Variants in TXN observed in about 807,000 individuals in gnomAD.
The protein encoded by TXN is thioredoxin.
In TXN, 10 loss-of-function variants were observed where a neutral mutation model predicts 16.5. The observed-to-expected ratio is 0.61, with a 90% confidence interval of 0.37 to 1.03. The LOEUF is 1.03. TXN is among the 50% of genes least tolerant of loss of function. The probability of loss-of-function intolerance (pLI) is 0.01; values close to 1 mark genes in which losing one functional copy is unlikely to be tolerated. For synonymous variants in TXN, 35 were observed against 39.4 expected (o/e 0.89, Z 0.42); for missense variants, 71 against 122.5 (o/e 0.58, Z 1.98).
intron 1 of TXN, among the ~76,000 whole-genome samples, chr9:110,253,039 C>G (rs1201960302): frequency 6.6e-6 from 1 of 151,650 alleles, no homozygotes; most frequent in Non-Finnish European, 1.5e-5. Context: ...GGAAACAATG[C>G]TGGTCAAATA....
intron 1 of TXN, among the ~76,000 whole-genome samples, chr9:110,254,018 T>C (rs2118582382): frequency 6.6e-6 from 1 of 152,300 alleles, no homozygotes; most frequent in East Asian, 1.9e-4. Flanking sequence ...GCCTTGTAGA[T>C]GGGAGTTCAA....
intron 3 of TXN, among the ~76,000 whole-genome samples, chr9:110,246,610 G>A (rs1039813178): frequency 1.3e-5 from 2 of 152,198 alleles, no homozygotes; most frequent in Non-Finnish European, 2.9e-5. Flanking sequence ...ACCAAATCAC[G>A]GAAACCAACG....
chr9:110,253,143 A>T (rs1249371182), intron 1 of TXN, among the ~76,000 whole-genome samples: 38 of 150,232 alleles, frequency 2.5e-4, no homozygotes, highest in Non-Finnish European at 3.0e-5. Context: ...TAAGATAAAA[A>T]ACCAAATAAA....
intron 3 of TXN, among the ~76,000 whole-genome samples, chr9:110,246,760 G>C (rs962518357): frequency 2.0e-5 from 3 of 152,166 alleles, no homozygotes; most frequent in Admixed American, 6.5e-5. Flanking sequence ...GAGCATGAAA[G>C]TACAGGTTCC....
chr9:110,247,388 G>A (rs1181839735), intron 3 of TXN, among the ~76,000 whole-genome samples: 1 of 151,646 alleles, frequency 6.6e-6, no homozygotes, highest in African/African-American at 2.4e-5. Flanking sequence ...TGAAGGAGGA[G>A]CTCTGTCATA....
chr9:110,252,096 T>C (rs1470829634), intron 1 of TXN, among the ~76,000 whole-genome samples: 1 of 151,916 alleles, frequency 6.6e-6, no homozygotes, highest in Non-Finnish European at 1.5e-5. Flanking sequence ...TGGTGGCATA[T>C]GCCTGTAGTC....
At chr9:110,247,424 C>A (rs1281375064) in intron 3 of TXN, among the ~76,000 whole-genome samples, 1 of 151,958 alleles carries the variant, frequency 6.6e-6, no homozygotes, top group African/African-American at 2.4e-5. Flanking sequence ...GCTTTGCACA[C>A]CTATAGTAAT....
chr9:110,250,705 A>T, intron 3 of TXN, 115 bp downstream of exon 3: 1 of 871,522 alleles, frequency 1.1e-6, no homozygotes, highest in Non-Finnish European at 1.8e-6. Flanking sequence ...AACTTTTTAG[A>T]TAGGATTACA....
chr9:110,244,095 T>C lies in TXN; in HGVS notation c.*62A>G, dbSNP rs72549245. 71 of 1,046,870 alleles carry C rather than the reference T, an allele frequency of 6.8e-5. No homozygotes were observed. In the African/African-American group the frequency reaches 9.6e-4, roughly 14 times the overall value. 64.8% of individuals were successfully genotyped at this position (1,046,870 alleles called of 1,614,324 possible). A position where few individuals can be genotyped will look rare whatever the true frequency, so the allele number is the denominator to read the frequency against. Reference sequence around the variant, plus strand: ...TATGTCTTCATATTTTATATTTTTGTAAATTAAAAAAATTACAAGTTTTAA... The same window carrying C: ...TATGTCTTCATATTTTATATTTTTGCAAATTAAAAAAATTACAAGTTTTAA... On this transcript the variant is annotated 3_prime_UTR_variant, in exon 5 of 5. Coordinates refer to ENST00000374517, the MANE Select transcript of TXN (RefSeq NM_003329.4).
chr9:110,248,682 G>C (rs1020999277), intron 3 of TXN, among the ~76,000 whole-genome samples: 8 of 152,160 alleles, frequency 5.3e-5, no homozygotes, highest in African/African-American at 1.7e-4. Context: ...TGCCTCAAGA[G>C]ACTGACTTTA....
intron 3 of TXN, among the ~76,000 whole-genome samples, chr9:110,245,862 C>T (rs934507114): frequency 1.3e-5 from 2 of 150,844 alleles, no homozygotes; most frequent in African/African-American, 2.4e-5. Flanking sequence ...GTCAGGAGTT[C>T]GAGACTAGCC....
intron 1 of TXN, among the ~76,000 whole-genome samples, chr9:110,251,721 T>C (rs1375047714): frequency 6.6e-6 from 1 of 152,064 alleles, no homozygotes; most frequent in Non-Finnish European, 1.5e-5. Context: ...TGACATTCTC[T>C]TCATAACTAT....
intron 3 of TXN, 185 bp from the exon 4 acceptor site, chr9:110,245,028 T>G: frequency 7.3e-6 from 3 of 410,304 alleles, no homozygotes; most frequent in East Asian, 3.7e-5. Context: ...CCAAACCGGT[T>G]ATATTCTCAA....
chr9:110,244,511 A>G (rs1334439079), intron 4 of TXN, among the ~76,000 whole-genome samples: 1 of 152,134 alleles, frequency 6.6e-6, no homozygotes, highest in Non-Finnish European at 1.5e-5. Context: ...TCTTTTACAC[A>G]ATACTTAACA....
chr9:110,246,678 G>T (rs1837664693), intron 3 of TXN, among the ~76,000 whole-genome samples: 1 of 152,310 alleles, frequency 6.6e-6, no homozygotes, highest in Non-Finnish European at 1.5e-5. Flanking sequence ...CTCTAGGATG[G>T]TGGGTGGCAC....
chr9:110,248,166 A>C lies in TXN; in HGVS notation c.189+2654T>G, dbSNP rs532333833. On this transcript the variant is annotated intron_variant, in intron 3 of 4. Transcript: ENST00000374517. ...AAATAAAAAAACTATAAAGTAAAAA[A>C]GTTACAATAAATTTATTGCTGAAAA... Among the ~76,000 whole-genome samples, 6 of 152,276 alleles carry C rather than the reference A, an allele frequency of 3.9e-5. No individual in the cohort carries two copies. In the South Asian group the frequency reaches 1.2e-3, roughly 32 times the overall value.
chr9:110,251,388 C>T lies in TXN; in HGVS notation c.99G>A (p.Gly33=), dbSNP rs142050233. 4.8e-5 allele frequency: 78 copies of T among 1,611,574 alleles called. No homozygotes were observed. The highest frequency in any genetic ancestry group is 6.7e-5 in the Admixed American group (4 of 59,952). The change falls in exon 2 of 5, where the codon GGG becomes GGA. Residue 33 remains glycine, a synonymous_variant. Transcript: ENST00000374517. The part of the protein sequence containing the change: ...VVVDFSATWC[G]PCKMIKPFFH... ...AGAAAGGCTTGATCATTTTGCAAGG[C>T]CCACACCACGTGGCTGAGAAGTCAA...
In TXN at chr9:110,245,637, TATATATATATATATATA is replaced by T. The variant is rs1199781659; in HGVS notation, c.190-811_190-795del. The stretch of plus-strand genomic sequence containing the variant: ...CACACACTATATATATATATATATA[TATATATATATATATATA>T]TTTTTTTTTTTTTTTTTTTATAGGG... On this transcript the variant is annotated intron_variant, in intron 3 of 4. Transcript: ENST00000374517. 2.8e-3 allele frequency among the ~76,000 whole-genome samples: 79 copies of T among 28,226 alleles called. 6 individuals carry two copies. Among genetic ancestry groups the T allele is most frequent in the African/African-American group, 0.012 (75 of 6,028 alleles). 18.5% of individuals were successfully genotyped at this position (28,226 alleles called of 152,430 possible). A position where few individuals can be genotyped will look rare whatever the true frequency, so the allele number is the denominator to read the frequency against.
At chr9:110,251,005 C>A (rs1437482898) in intron 2 of TXN, 126 bp from the exon 3 acceptor site, 4 of 706,082 alleles carry the variant, frequency 5.7e-6, no homozygotes, top group South Asian at 1.9e-5. Context: ...AAATTTAGAT[C>A]TTTGGAGACA....
Sources: allele counts gnomAD v4.1 joint callset (sites outside exome capture counted in the v4.1 genomes callset), GRCh38; gene constraint gnomAD v4.1.1; transcripts MANE v1.5; gene names NCBI Gene and HGNC (gene_info 2026-07-23, HGNC 2026-07-21).